The following DLG2 variants were observed in gnomAD, a reference collection of about 807,000 sequenced individuals.
DLG2 encodes the protein discs large MAGUK scaffold protein 2.
DLG2 carries 45 observed loss-of-function variants against 132.5 expected under a neutral mutation model. That is an observed-to-expected ratio of 0.34 (90% CI 0.27 to 0.44). The LOEUF (loss-of-function observed/expected upper bound fraction) is 0.44. Among genes scored for constraint, DLG2 ranks in the 20% least tolerant of loss-of-function variants. The pLI, the probability that DLG2 is intolerant of heterozygous loss-of-function variation, is 1.00. For synonymous variants in DLG2, 424 were observed against 419.6 expected, an observed-to-expected ratio of 1.01 and a Z score of -0.13; for missense variants, 1,045 against 1,196.9, an observed-to-expected ratio of 0.87 and a Z score of 1.87.
chr11:83,953,724 A>G (rs1200379204), intron 14 of DLG2, among the ~76,000 whole-genome samples: 1 of 152,200 alleles, frequency 6.6e-6, no homozygotes, highest in African/African-American at 2.4e-5. Context: ...ATAAACTCCT[A>G]GAAGAACAGA....
intron 10 of DLG2, 111 bp from the exon 11 acceptor site, chr11:84,059,595 T>A (rs2096558617): frequency 2.3e-6 from 2 of 855,282 alleles, no homozygotes; most frequent in South Asian, 2.5e-5. Context: ...ATCTAAAAAA[T>A]TTTAAAATAT....
At chr11:84,187,817 C>A (rs1196200217) in intron 8 of DLG2, among the ~76,000 whole-genome samples, 9 of 151,998 alleles carry the variant, frequency 5.9e-5, no homozygotes. Flanking sequence ...CAGGAATATT[C>A]CCTGGCTAAT....
intron 7 of DLG2, among the ~76,000 whole-genome samples, chr11:84,496,559 T>C (rs2099184703): frequency 6.6e-6 from 1 of 152,176 alleles, no homozygotes; most frequent in Non-Finnish European, 1.5e-5. Flanking sequence ...TTGAACTGAT[T>C]GTTGCTTTTT....
At chr11:84,321,333 G>A (rs1409981087) in intron 7 of DLG2, among the ~76,000 whole-genome samples, 1 of 152,082 alleles carries the variant, frequency 6.6e-6, no homozygotes, top group Non-Finnish European at 1.5e-5. Flanking sequence ...CTCTCACACA[G>A]CACCCAGAGT....
At chr11:83,578,851 A>G (rs1214540481) in intron 19 of DLG2, among the ~76,000 whole-genome samples, 1 of 152,216 alleles carries the variant, frequency 6.6e-6, no homozygotes, top group Non-Finnish European at 1.5e-5. Flanking sequence ...AACAAAGATT[A>G]TTATATTTCT....
intron 6 of DLG2, among the ~76,000 whole-genome samples, chr11:84,650,873 G>GTATATATATATATATATATATATA (rs71274437): frequency 2.4e-5 from 3 of 123,950 alleles, no homozygotes; most frequent in African/African-American, 6.3e-5. Flanking sequence ...GTGTGTGTGT[G>GTATATATATATATATATATATATA]TATATATATA....
rs540134024 is a variant in DLG2 at position 84,018,711 on chromosome 11, G to T, written c.920-38069C>A. On this transcript the variant is annotated intron_variant, in intron 11 of 27. Coordinates refer to ENST00000376104, the MANE Select transcript of DLG2 (RefSeq NM_001142699.3). ...AGAGACATATTGAACTATATTATGGGTATACATTAGAGATGAGTAGATTTG... is the reference window on the plus strand; with the variant it reads ...AGAGACATATTGAACTATATTATGGTTATACATTAGAGATGAGTAGATTTG... Among the ~76,000 whole-genome samples the T allele has an allele frequency of 1.3e-4, 19 of 151,792 alleles. No homozygotes were observed. In the South Asian group the frequency reaches 3.5e-3, roughly 28 times the overall value.
chr11:84,454,652 C>A (rs2099060632), intron 7 of DLG2, among the ~76,000 whole-genome samples: 1 of 151,356 alleles, frequency 6.6e-6, no homozygotes. Flanking sequence ...TACTGCTCAG[C>A]AATAAAAAGA....
At chr11:84,404,200 C>T (rs1295905584) in intron 7 of DLG2, among the ~76,000 whole-genome samples, 1 of 152,064 alleles carries the variant, frequency 6.6e-6, no homozygotes, top group Non-Finnish European at 1.5e-5. Flanking sequence ...TCTCATCTAA[C>T]ATTCTCCTTG....
At chr11:84,906,239 G>T (rs199689043) in intron 6 of DLG2, among the ~76,000 whole-genome samples, 133 of 131,316 alleles carry the variant, frequency 1.0e-3, no homozygotes, top group African/African-American at 1.4e-3. Context: ...TGGTTTTTTT[G>T]TTTTTTTTTT....
intron 10 of DLG2, among the ~76,000 whole-genome samples, chr11:84,089,659 G>A (rs1338051371): frequency 6.6e-6 from 1 of 152,090 alleles, no homozygotes; most frequent in Non-Finnish European, 1.5e-5. Flanking sequence ...TTTTTATGAG[G>A]ACAAAGACAA....
At chr11:84,345,386 T>C (rs2098534947) in intron 7 of DLG2, among the ~76,000 whole-genome samples, 2 of 152,242 alleles carry the variant, frequency 1.3e-5, no homozygotes, top group African/African-American at 4.8e-5. Flanking sequence ...TCAAGGCTGA[T>C]TTTTAAGTTA....
rs774647892 is a variant in DLG2, at chr11:83,548,132, C to T, written c.1941-6274G>A. Among the ~76,000 whole-genome samples the T allele has an allele frequency of 6.6e-5, 10 of 152,234 alleles. No individual in the cohort carries two copies. The East Asian group carries it at 7.7e-4, about 12-fold the overall frequency. Reference sequence around the variant, plus strand: ...AGTGGTGGAAAGCTTAGTAGAATTACGCCCTGTAGTTATGTGAAAAGAAGA... The same window carrying T: ...AGTGGTGGAAAGCTTAGTAGAATTATGCCCTGTAGTTATGTGAAAAGAAGA... On this transcript the variant is annotated intron_variant, in intron 19 of 27. Transcript: ENST00000376104.
rs760043198 is a variant in DLG2, at chr11:83,833,735, G to A, written c.1601C>T (p.Thr534Ile). The A allele has an allele frequency of 1.2e-6, 2 of 1,614,024 alleles. No individual in the cohort carries two copies. The highest frequency in any genetic ancestry group is 8.5e-7 in the Non-Finnish European group (1 of 1,179,946). The change falls in exon 17 of 28, where the codon ACT becomes ATT. Residue 534 changes from threonine (T) to isoleucine (I), a missense_variant. Coordinates refer to ENST00000376104, the MANE Select transcript of DLG2 (RefSeq NM_001142699.3). ...ACCGACAATGTTGAAGCCCAGGCCA[G>A]TGGAGCCTTTGTGCAGGACTACCTT... ...PRKVVLHKGS[T>I]GLGFNIVGGE...
intron 7 of DLG2, among the ~76,000 whole-genome samples, chr11:84,416,003 G>A (rs927471875): frequency 1.3e-5 from 2 of 151,764 alleles, no homozygotes; most frequent in Non-Finnish European, 2.9e-5. Flanking sequence ...TTGGGTTTTT[G>A]CAAACTAATC....
chr11:83,994,294 C>A (rs2093898749), intron 11 of DLG2, among the ~76,000 whole-genome samples: 2 of 152,104 alleles, frequency 1.3e-5, no homozygotes, highest in East Asian at 1.9e-4. Context: ...ATATCTCATT[C>A]CCCCACGTTG....
chr11:85,427,785 T>G (rs2153006343), intron 3 of DLG2, among the ~76,000 whole-genome samples: 1 of 152,240 alleles, frequency 6.6e-6, no homozygotes, highest in Non-Finnish European at 1.5e-5. Flanking sequence ...ACTATTAACT[T>G]TAAATGTAAA....
intron 10 of DLG2, among the ~76,000 whole-genome samples, chr11:84,066,800 A>G (rs1348663115): frequency 6.6e-6 from 1 of 152,124 alleles, no homozygotes; most frequent in Non-Finnish European, 1.5e-5. Flanking sequence ...ATGTTAGGTC[A>G]CAGGGTCTGA....
chr11:83,789,176 C>A (rs1258265070), intron 17 of DLG2, among the ~76,000 whole-genome samples: 2 of 144,546 alleles, frequency 1.4e-5, no homozygotes, highest in Non-Finnish European at 3.1e-5. Flanking sequence ...CAAGAGTATG[C>A]CAATTCATGA....
Sources: allele counts gnomAD v4.1 joint callset (sites outside exome capture counted in the v4.1 genomes callset), GRCh38; gene constraint gnomAD v4.1.1; transcripts MANE v1.5; gene names NCBI Gene and HGNC (gene_info 2026-07-23, HGNC 2026-07-21).